KCTD1: variants seen among roughly 807,000 people sequenced by gnomAD.
KCTD1 encodes BTB/POZ domain-containing protein KCTD1.
In KCTD1, 24 loss-of-function variants were observed where a neutral mutation model predicts 66.0. That is an observed-to-expected ratio of 0.36 (90% CI 0.26 to 0.51). The LOEUF (loss-of-function observed/expected upper bound fraction) is 0.51. Ranked by LOEUF, KCTD1 falls within the 20% of genes least tolerant of loss-of-function variation. KCTD1 has a pLI of 0.95. For synonymous variants in KCTD1, 511 were observed against 517.2 expected (o/e 0.99, Z 0.16); for missense variants, 943 against 1,205.2 (o/e 0.78, Z 3.22).
intron 1 of KCTD1, 82 bp from the exon 2 acceptor site, chr18:26,501,332 G>A (rs1215381283): frequency 9.1e-6 from 11 of 1,213,328 alleles, no homozygotes; most frequent in Admixed American, 9.0e-5. Flanking sequence ...AAGAATAAAC[G>A]AGTGATTAAC....
intron 1 of KCTD1, among the ~76,000 whole-genome samples, chr18:26,541,996 T>A (rs1021452460): frequency 1.3e-5 from 2 of 152,152 alleles, no homozygotes; most frequent in African/African-American, 4.8e-5. Flanking sequence ...CTGATGATCA[T>A]GTAGCAAGCA....
chr18:26,576,101 C>G (rs2144908768), intron 1 of KCTD1, among the ~76,000 whole-genome samples: 1 of 152,306 alleles, frequency 6.6e-6, no homozygotes, highest in Non-Finnish European at 1.5e-5. Flanking sequence ...CTGCTCCATC[C>G]GCTTCAGTAG....
chr18:26,651,550 G>A (rs762196377), intron 1 of KCTD1, among the ~76,000 whole-genome samples: 9 of 152,050 alleles, frequency 5.9e-5, no homozygotes, highest in Non-Finnish European at 7.4e-5. Flanking sequence ...TTGGGAGGCC[G>A]AGGTGGGCGG....
upstream of KCTD1, chr18:26,548,966 C>CT: frequency 1.0e-6 from 1 of 985,664 alleles, no homozygotes; most frequent in Non-Finnish European, 1.2e-6. Flanking sequence ...TCTCGTTTCT[C>CT]TAAGTAATGC....
intron 1 of KCTD1, among the ~76,000 whole-genome samples, chr18:26,561,460 G>C (rs1024434897): frequency 1.3e-5 from 2 of 152,102 alleles, no homozygotes; most frequent in Non-Finnish European, 2.9e-5. Context: ...CATGTCTCCA[G>C]GTGCCTATTG....
At chr18:26,646,513 C>T (rs561359473) in intron 1 of KCTD1, among the ~76,000 whole-genome samples, 158 of 152,198 alleles carry the variant, frequency 1.0e-3, no homozygotes, top group Middle Eastern at 3.4e-3. Context: ...TGCTCCTTAG[C>T]AGAATAATTT....
At position 26,546,925 on chromosome 18, in the gene KCTD1, C is replaced by T. The variant is rs1004137140; in HGVS notation, c.1612G>A (p.Glu538Lys). 1 of 1,479,552 alleles carries T rather than the reference C, an allele frequency of 6.8e-7. No individual in the cohort carries two copies. Among genetic ancestry groups the T allele is most frequent in the Non-Finnish European group, 9.0e-7 (1 of 1,113,030 alleles). 91.7% of individuals were successfully genotyped at this position (1,479,552 alleles called of 1,614,324 possible). Reference sequence around the variant, plus strand: ...ATTTCCCCCGACCCGAACACAGACTCGTACAGGGCGCGCTTGGGCGCAGCC... The same window carrying T: ...ATTTCCCCCGACCCGAACACAGACTTGTACAGGGCGCGCTTGGGCGCAGCC... ...SEAAPKRALY[E>K]SVFGSGEICG... The change falls in exon 1 of 5, where the codon GAG becomes AAG. Residue 538 changes from glutamate to lysine, a missense_variant. Glu to Lys is a moderately conservative substitution (Grantham distance 56, BLOSUM62 1). Transcript: ENST00000580059.
chr18:26,646,580 G>C (rs1987930202), intron 1 of KCTD1, among the ~76,000 whole-genome samples: 1 of 152,062 alleles, frequency 6.6e-6, no homozygotes, highest in African/African-American at 2.4e-5. Context: ...AAATAACTCA[G>C]CTATATGAAC....
At chr18:26,593,882 TAAG>T (rs146414008) in intron 1 of KCTD1, among the ~76,000 whole-genome samples, 31,244 of 88,142 alleles carry the variant, frequency 0.35, 3,439 homozygotes, top group Middle Eastern at 0.45. Flanking sequence ...AAGAGGAAGA[TAAG>T]GAGGAGGAGG....
At chr18:26,574,066 C>T (rs1228654971) in intron 1 of KCTD1, among the ~76,000 whole-genome samples, 1 of 151,626 alleles carries the variant, frequency 6.6e-6, no homozygotes, top group Non-Finnish European at 1.5e-5. Context: ...GGTCCAGGGA[C>T]CCTCTCACTA....
At chr18:26,634,414 T>G (rs1374026211) in intron 1 of KCTD1, among the ~76,000 whole-genome samples, 1 of 152,148 alleles carries the variant, frequency 6.6e-6, no homozygotes, top group Non-Finnish European at 1.5e-5. Context: ...CACATATATA[T>G]GCATGTGTGT....
At chr18:26,465,460 A>C (rs1598876074) in intron 3 of KCTD1, among the ~76,000 whole-genome samples, 1 of 152,060 alleles carries the variant, frequency 6.6e-6, no homozygotes, top group Admixed American at 6.5e-5. Context: ...GACAGTTCTC[A>C]CCAGGCAGTC....
chr18:26,530,466 GT>G (rs1984383699), intron 1 of KCTD1, among the ~76,000 whole-genome samples: 1 of 152,196 alleles, frequency 6.6e-6, no homozygotes, highest in Non-Finnish European at 1.5e-5. Context: ...AAGTCTAGAT[GT>G]GGTGAACTTT....
Position 26,455,410 on chromosome 18 carries a change from CT to C in KCTD1, c.*332del, listed in dbSNP as rs1980007255. The C allele has an allele frequency of 1.2e-5, 2 of 161,248 alleles. No individual in the cohort carries two copies. The highest frequency in any genetic ancestry group is 6.5e-5 in the Admixed American group (1 of 15,412). The allele number at this position is 161,248 out of a possible 1,614,324, so 10.0% of individuals were successfully genotyped here. A position where few individuals can be genotyped will look rare whatever the true frequency, so the allele number is the denominator to read the frequency against. ...GAGACTGTGTCCTCACCACTCATGG[CT>C]TGTTTATTTGTCAGAGGCCTCGGAA... On this transcript the variant is annotated 3_prime_UTR_variant, in exon 5 of 5. Coordinates refer to ENST00000580059, the MANE Select transcript of KCTD1 (RefSeq NM_001142730.3).
intron 1 of KCTD1, among the ~76,000 whole-genome samples, chr18:26,575,806 C>G (rs987775479): frequency 5.9e-5 from 9 of 152,162 alleles, no homozygotes; most frequent in African/African-American, 1.9e-4. Flanking sequence ...CTCATCCTGC[C>G]CTCCCTAAAG....
At chr18:26,581,828 A>G (rs1250613131) in intron 1 of KCTD1, 1 of 152,210 alleles carries the variant, frequency 6.6e-6, no homozygotes, top group African/African-American at 2.4e-5. Flanking sequence ...TGGTTTCATA[A>G]AAATTTAAAA....
intron 1 of KCTD1, among the ~76,000 whole-genome samples, chr18:26,532,873 A>T (rs775461223): frequency 2.0e-5 from 3 of 152,192 alleles, no homozygotes; most frequent in Non-Finnish European, 2.9e-5. Context: ...TGTCTTTCCC[A>T]CTTGACTGTC....
chr18:26,639,370 C>G (rs508589), intron 1 of KCTD1, among the ~76,000 whole-genome samples: 1 of 151,960 alleles, frequency 6.6e-6, no homozygotes, highest in East Asian at 1.9e-4. Flanking sequence ...CTCCCGAAGC[C>G]GGGCCCAGGG....
intron 2 of KCTD1, among the ~76,000 whole-genome samples, chr18:26,499,546 G>T (rs1982648135): frequency 6.6e-6 from 1 of 152,110 alleles, no homozygotes; most frequent in Non-Finnish European, 1.5e-5. Context: ...ATTAAATCTG[G>T]AAATTAAGAG....
Sources: allele counts gnomAD v4.1 joint callset (sites outside exome capture counted in the v4.1 genomes callset), GRCh38; gene constraint gnomAD v4.1.1; transcripts MANE v1.5; gene names NCBI Gene and HGNC (gene_info 2026-07-23, HGNC 2026-07-21).